DGKB: variants seen among roughly 807,000 people sequenced by gnomAD.
DGKB encodes the protein diacylglycerol kinase beta, also known as 90 kDa diacylglycerol kinase.
DGKB carries 67 observed loss-of-function variants against 114.3 expected under a neutral mutation model. That is an observed-to-expected ratio of 0.59 (90% CI 0.48 to 0.72). The LOEUF is 0.72. Among genes scored for constraint, DGKB ranks in the 30% least tolerant of loss-of-function variants. The probability of loss-of-function intolerance (pLI) is 0.00; values close to 1 mark genes in which losing one functional copy is unlikely to be tolerated. For missense variants in DGKB, 907 were observed against 975.2 expected (o/e 0.93, Z 0.93); for synonymous variants, 398 against 323.1 (o/e 1.23, Z -2.49).
intron 23 of DGKB, among the ~76,000 whole-genome samples, chr7:14,253,035 T>A (rs1231241699): frequency 6.6e-6 from 1 of 151,436 alleles, no homozygotes; most frequent in East Asian, 1.9e-4. Context: ...ATTGTTTAAA[T>A]TCATTTTTTT....
intron 2 of DGKB, among the ~76,000 whole-genome samples, chr7:14,780,770 T>A (rs771477323): frequency 7.2e-5 from 11 of 152,222 alleles, no homozygotes; most frequent in Non-Finnish European, 1.6e-4. Flanking sequence ...ATAATTAAGA[T>A]CTTATTCACC....
At chr7:14,943,696 A>T (rs1330490476) in intron 1 of DGKB, among the ~76,000 whole-genome samples, 2 of 151,882 alleles carry the variant, frequency 1.3e-5, no homozygotes, top group African/African-American at 4.8e-5. Flanking sequence ...AGAAGAGACA[A>T]GAGCCGATCA....
chr7:14,355,885 C>T (rs924899802), intron 21 of DGKB, among the ~76,000 whole-genome samples: 61 of 152,230 alleles, frequency 4.0e-4, no homozygotes, highest in African/African-American at 1.3e-3. Context: ...TGGTAGAATT[C>T]GGCTGTGAAT....
chr7:14,662,834 C>G (rs141676289), intron 13 of DGKB, among the ~76,000 whole-genome samples: 20 of 151,544 alleles, frequency 1.3e-4, no homozygotes, highest in Admixed American at 5.3e-4. Flanking sequence ...ATAACTGTAT[C>G]ACAGGTTTTT....
chr7:14,805,997 C>T (rs961917171), intron 2 of DGKB, among the ~76,000 whole-genome samples: 5 of 151,304 alleles, frequency 3.3e-5, no homozygotes, highest in Non-Finnish European at 7.4e-5. Flanking sequence ...AATAATTTCA[C>T]GAATATTTAT....
chr7:14,967,533 C>A (rs554111073), intron 1 of DGKB, among the ~76,000 whole-genome samples: 20 of 151,290 alleles, frequency 1.3e-4, no homozygotes, highest in Non-Finnish European at 2.4e-4. Context: ...GTTGGCCAGG[C>A]TGGTCTTGAG....
intron 2 of DGKB, among the ~76,000 whole-genome samples, chr7:14,774,218 G>C (rs1453650076): frequency 1.3e-5 from 2 of 152,194 alleles, no homozygotes; most frequent in African/African-American, 4.8e-5. Context: ...CACTTGGAAA[G>C]TATCTCCTCC....
intron 7 of DGKB, among the ~76,000 whole-genome samples, chr7:14,699,671 A>G (rs1393446005): frequency 2.0e-5 from 3 of 152,200 alleles, no homozygotes; most frequent in Admixed American, 6.5e-5. Flanking sequence ...ACCAAGACAC[A>G]TGATGTCAGA....
chr7:14,849,162 T>A (rs903738705), intron 1 of DGKB, among the ~76,000 whole-genome samples: 7 of 152,048 alleles, frequency 4.6e-5, no homozygotes, highest in African/African-American at 1.7e-4. Flanking sequence ...TAAGGAAAGC[T>A]ATTGGAGACT....
chr7:14,603,159 G>A (rs1803864795), intron 17 of DGKB, among the ~76,000 whole-genome samples: 1 of 152,018 alleles, frequency 6.6e-6, no homozygotes. Flanking sequence ...TTAGAAGCAT[G>A]AATCAATTTT....
chr7:14,864,423 G>A (rs942884365), intron 1 of DGKB, among the ~76,000 whole-genome samples: 1 of 151,998 alleles, frequency 6.6e-6, no homozygotes, highest in Non-Finnish European at 1.5e-5. Flanking sequence ...TTTATGTAGC[G>A]TCCACAATAG....
intron 1 of DGKB, among the ~76,000 whole-genome samples, chr7:14,846,398 A>G (rs1253404295): frequency 1.3e-5 from 2 of 152,210 alleles, no homozygotes; most frequent in African/African-American, 4.8e-5. Flanking sequence ...TTTCTTAGTC[A>G]AATCTTTTTA....
intron 21 of DGKB, among the ~76,000 whole-genome samples, chr7:14,401,806 T>C (rs1482397255): frequency 6.6e-6 from 1 of 151,750 alleles, no homozygotes; most frequent in African/African-American, 2.4e-5. Flanking sequence ...GACCACTCAA[T>C]GGCAGTCAAA....
intron 20 of DGKB, among the ~76,000 whole-genome samples, chr7:14,491,106 C>G (rs10499444): frequency 0.093 from 14,217 of 152,066 alleles, 1,039 homozygotes; most frequent in East Asian, 0.43. Context: ...CATGGTGCTA[C>G]TTCCATATTG....
At chr7:14,674,969 C>T (rs1467972603) in intron 12 of DGKB, among the ~76,000 whole-genome samples, 3 of 151,888 alleles carry the variant, frequency 2.0e-5, no homozygotes, top group African/African-American at 7.3e-5. Flanking sequence ...ACTAATAAAC[C>T]CAGTACTATG....
chr7:14,553,158 T>C (rs567373232), intron 20 of DGKB, among the ~76,000 whole-genome samples: 4 of 152,362 alleles, frequency 2.6e-5, no homozygotes, highest in African/African-American at 9.6e-5. Context: ...TAATAATGTA[T>C]TGCAAGGCAA....
At chr7:14,853,342 T>C (rs1443056822) in intron 1 of DGKB, among the ~76,000 whole-genome samples, 2 of 152,032 alleles carry the variant, frequency 1.3e-5, no homozygotes, top group African/African-American at 4.8e-5. Context: ...ATACCTTTCA[T>C]GTACATACTG....
At chr7:14,957,650 C>A (rs1368728399) in intron 1 of DGKB, among the ~76,000 whole-genome samples, 1 of 151,962 alleles carries the variant, frequency 6.6e-6, no homozygotes, top group East Asian at 1.9e-4. Context: ...TTAACTGTTT[C>A]TATTTCATAT....
chr7:14,321,662 A>G (rs532375241), intron 23 of DGKB, among the ~76,000 whole-genome samples: 1 of 152,060 alleles, frequency 6.6e-6, no homozygotes, highest in African/African-American at 2.4e-5. Flanking sequence ...AACCATCATC[A>G]TTTATTGATG....
Sources: gnomAD v4.1 joint callset for allele counts (sites outside exome capture counted in the v4.1 genomes callset) on GRCh38, gnomAD v4.1.1 for gene constraint, MANE v1.5 for transcripts, NCBI Gene and HGNC (gene_info 2026-07-23, HGNC 2026-07-21) for gene names.